FOCAD: variants seen among roughly 807,000 people sequenced by gnomAD.
FOCAD encodes the protein focadhesin.
In FOCAD, 198 loss-of-function variants were observed where a neutral mutation model predicts 225.6. The observed-to-expected ratio is 0.88, with a 90% confidence interval of 0.78 to 0.99. The LOEUF (loss-of-function observed/expected upper bound fraction) is 0.99. Among genes scored for constraint, FOCAD ranks in the 50% least tolerant of loss-of-function variants. The pLI is 0.00. For synonymous variants in FOCAD, 897 were observed against 755.0 expected (o/e 1.19, Z -3.08); for missense variants, 2,713 against 2,123.6 (o/e 1.28, Z -5.46).
Position 20,797,551 on chromosome 9 carries a change from T to A in FOCAD, c.1455+7943T>A, listed in dbSNP as rs1227563533. Among the ~76,000 whole-genome samples the A allele has an allele frequency of 2.0e-5, 3 of 152,190 alleles. No homozygotes were observed. The East Asian group carries it at 5.8e-4, about 29-fold the overall frequency. ...CCTTCACATCCCTTGTAAGTTGGATTCCTAGGTATTTTATTCTCTTTGAAG... is the reference window on the plus strand; with the variant it reads ...CCTTCACATCCCTTGTAAGTTGGATACCTAGGTATTTTATTCTCTTTGAAG... On this transcript the variant is annotated intron_variant, in intron 11 of 43. Coordinates refer to ENST00000338382, the MANE Select transcript of FOCAD (RefSeq NM_001375567.1).
At chr9:20,809,004 T>C (rs1822759646) in intron 11 of FOCAD, among the ~76,000 whole-genome samples, 1 of 152,200 alleles carries the variant, frequency 6.6e-6, no homozygotes, top group Non-Finnish European at 1.5e-5. Flanking sequence ...AAAAAATGTA[T>C]ACACAGAAAT....
intron 35 of FOCAD, chr9:20,957,401 C>T (rs1318748938): frequency 6.7e-6 from 1 of 150,182 alleles, no homozygotes; most frequent in African/African-American, 2.4e-5. Flanking sequence ...TCATCAAATT[C>T]ATAAGTCATA....
At chr9:20,669,551 G>C (rs1051260001) in intron 2 of FOCAD, among the ~76,000 whole-genome samples, 1 of 152,208 alleles carries the variant, frequency 6.6e-6, no homozygotes, top group African/African-American at 2.4e-5. Flanking sequence ...GAGGCGGGCA[G>C]ATCACTTGAG....
At chr9:20,774,959 A>G (rs1219147206) in intron 8 of FOCAD, among the ~76,000 whole-genome samples, 1 of 152,230 alleles carries the variant, frequency 6.6e-6, no homozygotes, top group Non-Finnish European at 1.5e-5. Flanking sequence ...TTAATTTGTG[A>G]ACATATGCTA....
chr9:20,862,964 T>A (rs942576165), intron 16 of FOCAD: 1 of 288,908 alleles, frequency 3.5e-6, no homozygotes, highest in African/African-American at 2.2e-5. Flanking sequence ...ATTGTAAAAC[T>A]AGTGTTTCCA....
At chr9:20,962,627 T>C (rs920803715) in intron 35 of FOCAD, among the ~76,000 whole-genome samples, 8 of 152,178 alleles carry the variant, frequency 5.3e-5, no homozygotes, top group African/African-American at 1.9e-4. Context: ...AATTGTGGCA[T>C]TGAGATCTGA....
chr9:20,890,361 T>A (rs1196544067), intron 21 of FOCAD, among the ~76,000 whole-genome samples: 1 of 151,684 alleles, frequency 6.6e-6, no homozygotes, highest in Non-Finnish European at 1.5e-5. Context: ...AGTCCTAGAT[T>A]TCTGAGAGGT....
chr9:20,798,171 C>G (rs1821352396), intron 11 of FOCAD, among the ~76,000 whole-genome samples: 1 of 152,110 alleles, frequency 6.6e-6, no homozygotes, highest in Admixed American at 6.5e-5. Flanking sequence ...GTATGTTGAA[C>G]CAGCCTTGCA....
At chr9:20,800,395 G>T (rs1419640105) in intron 11 of FOCAD, among the ~76,000 whole-genome samples, 1 of 152,052 alleles carries the variant, frequency 6.6e-6, no homozygotes, top group African/African-American at 2.4e-5. Flanking sequence ...ATGTTGGCCT[G>T]CCTTGCTAGA....
chr9:20,899,961 C>T (rs1052400136), intron 21 of FOCAD, among the ~76,000 whole-genome samples: 19 of 151,978 alleles, frequency 1.3e-4, no homozygotes, highest in Admixed American at 3.9e-4. Flanking sequence ...CTCCTCTGTA[C>T]AGGGGACATG....
chr9:20,915,965 G>A (rs1427952821), intron 23 of FOCAD, among the ~76,000 whole-genome samples: 1 of 152,100 alleles, frequency 6.6e-6, no homozygotes, highest in Non-Finnish European at 1.5e-5. Context: ...AGAGAAATTT[G>A]CAGTCAAATG....
chr9:20,947,434 G>C (rs1837286228), intron 30 of FOCAD, among the ~76,000 whole-genome samples: 1 of 152,130 alleles, frequency 6.6e-6, no homozygotes, highest in African/African-American at 2.4e-5. Flanking sequence ...TACATGAGCT[G>C]CGTAGAGTAG....
intron 19 of FOCAD, 172 bp downstream of exon 19, chr9:20,874,979 T>C (rs1830116302): frequency 1.3e-6 from 1 of 791,988 alleles, no homozygotes; most frequent in Admixed American, 2.8e-5. Context: ...TAGTATGGTG[T>C]TTAAATCATA....
At chr9:20,733,546 C>A (rs945134522) in intron 4 of FOCAD, among the ~76,000 whole-genome samples, 1 of 152,092 alleles carries the variant, frequency 6.6e-6, no homozygotes, top group Non-Finnish European at 1.5e-5. Context: ...GTGATGTTCC[C>A]CTTCCTGTGT....
At position 20,976,210 on chromosome 9, in the gene FOCAD, T is replaced by C. The variant is rs529299702; in HGVS notation, c.4133-210T>C. On this transcript the variant is annotated intron_variant, in intron 35 of 43. Transcript: ENST00000338382. ...TTATTATATATTATTGAAAAATTTA[T>C]AAAAATTTTTTAAAAAGAGAAGAAC... The C allele has an allele frequency of 9.3e-4, 257 of 276,550 alleles. 1 individual carries two copies. The highest frequency in any genetic ancestry group is 1.5e-3 in the Non-Finnish European group (215 of 146,088). 17.1% of individuals were successfully genotyped at this position (276,550 alleles called of 1,614,324 possible). A position where few individuals can be genotyped will look rare whatever the true frequency, so the allele number is the denominator to read the frequency against.
chr9:20,729,244 G>A (rs952876313), intron 4 of FOCAD, among the ~76,000 whole-genome samples: 1 of 152,152 alleles, frequency 6.6e-6, no homozygotes, highest in Non-Finnish European at 1.5e-5. Context: ...GGCTCTGTGG[G>A]GGAATCTGTT....
chr9:20,748,774 T>C (rs1215103325), intron 5 of FOCAD, among the ~76,000 whole-genome samples: 1 of 152,184 alleles, frequency 6.6e-6, no homozygotes, highest in African/African-American at 2.4e-5. Context: ...CAGGAAAGTC[T>C]TTATTCACAA....
chr9:20,685,891 T>G (rs1423087989), intron 1 of FOCAD, among the ~76,000 whole-genome samples: 1 of 152,228 alleles, frequency 6.6e-6, no homozygotes. Context: ...CCTCGCGCCC[T>G]GTAATAAATA....
At chr9:20,781,981 G>C (rs950341689) in intron 10 of FOCAD, 52 bp downstream of exon 10, 1 of 1,497,478 alleles carries the variant, frequency 6.7e-7, no homozygotes, top group Non-Finnish European at 9.3e-7. Flanking sequence ...GTGGGATTTC[G>C]GTCTTTACGG....
Sources: gnomAD v4.1 joint callset for allele counts (sites outside exome capture counted in the v4.1 genomes callset) on GRCh38, gnomAD v4.1.1 for gene constraint, MANE v1.5 for transcripts, NCBI Gene and HGNC (gene_info 2026-07-23, HGNC 2026-07-21) for gene names.